The following LRRC39 variants were observed in gnomAD, a reference collection of about 807,000 sequenced individuals.
LRRC39 encodes the protein leucine rich repeat containing 39.
A neutral mutation model predicts 39.7 loss-of-function variants in LRRC39; 35 were observed. That is an observed-to-expected ratio of 0.88 (90% CI 0.67 to 1.17). LRRC39 has a LOEUF of 1.17. LRRC39 is among the 50% of genes most tolerant of loss of function. The probability of loss-of-function intolerance (pLI) is 0.00; values close to 1 mark genes in which losing one functional copy is unlikely to be tolerated. For missense variants in LRRC39, 357 were observed against 385.8 expected (o/e 0.93, Z 0.62); for synonymous variants, 113 against 134.1 (o/e 0.84, Z 1.09).
chr1:100,152,398 T>A lies in LRRC39; in HGVS notation c.939A>T (p.Ser313=). The change falls in exon 9 of 10, where the codon TCA becomes TCT. Residue 313 remains serine, a synonymous_variant. Coordinates refer to ENST00000370137, the MANE Select transcript of LRRC39 (RefSeq NM_144620.4). ...LQFMHTYIQE[S]RRRADHQVNG... ...CAAATCTTATACCTGCTCTTCTCCG[T>A]GACTCTTGTATGTATGTGTGCATAA... is the stretch of plus-strand genomic sequence containing the variant. 3 of 1,613,796 alleles carry A rather than the reference T, an allele frequency of 1.9e-6. No homozygotes were observed. The highest frequency in any genetic ancestry group is 1.3e-5 in the African/African-American group (1 of 75,044).
At chr1:100,170,426 G>T (rs951441021) in intron 2 of LRRC39, among the ~76,000 whole-genome samples, 2 of 152,144 alleles carry the variant, frequency 1.3e-5, no homozygotes, top group African/African-American at 4.8e-5. Flanking sequence ...TATATGAAAT[G>T]TCCAGAATAG....
chr1:100,151,659 CAAAT>C (rs1318360679), intron 9 of LRRC39, among the ~76,000 whole-genome samples: 1 of 152,088 alleles, frequency 6.6e-6, no homozygotes, highest in East Asian at 1.9e-4. Context: ...TTTTTATTAA[CAAAT>C]AATTGTGCAC....
chr1:100,160,955 C>T (rs972983320), intron 3 of LRRC39, among the ~76,000 whole-genome samples: 1 of 151,950 alleles, frequency 6.6e-6, no homozygotes, highest in Non-Finnish European at 1.5e-5. Flanking sequence ...AATTACCAAT[C>T]AAAAACCATT....
At chr1:100,174,576 G>GGT (rs1239140168) in intron 1 of LRRC39, among the ~76,000 whole-genome samples, 1 of 152,084 alleles carries the variant, frequency 6.6e-6, no homozygotes, top group Non-Finnish European at 1.5e-5. Context: ...TGGGACTACA[G>GGT]GTGTGAGCCA....
Position 100,164,034 on chromosome 1 carries a change from A to G in LRRC39, c.114-3463T>C, listed in dbSNP as rs12073866. 5.4e-3 allele frequency among the ~76,000 whole-genome samples: 825 copies of G among 152,128 alleles called. 10 individuals are homozygous for G. The highest frequency in any genetic ancestry group is 0.019 in the African/African-American group (775 of 41,498). ...GTTGCAGTGAGCCAAGATTGCGCCAATACACTCCAGCCTGGGTGACAGAGT... is the reference window on the plus strand; with the variant it reads ...GTTGCAGTGAGCCAAGATTGCGCCAGTACACTCCAGCCTGGGTGACAGAGT... On this transcript the variant is annotated intron_variant, in intron 3 of 9. Coordinates refer to ENST00000370137, the MANE Select transcript of LRRC39 (RefSeq NM_144620.4).
chr1:100,169,516 C>T lies in LRRC39; in HGVS notation c.-78-922G>A, dbSNP rs184838844. 2.6e-5 allele frequency among the ~76,000 whole-genome samples: 4 copies of T among 152,084 alleles called. No individual in the cohort carries two copies. The East Asian group carries it at 5.8e-4, about 22-fold the overall frequency. On this transcript the variant is annotated intron_variant, in intron 2 of 9. Transcript: ENST00000370137. Reference sequence around the variant, plus strand: ...TCCCTCAAATATTTTTGAAGTTATTCGCAGTGTTTTTCATAACAGCAAAAT... The same window carrying T: ...TCCCTCAAATATTTTTGAAGTTATTTGCAGTGTTTTTCATAACAGCAAAAT...
intron 9 of LRRC39, among the ~76,000 whole-genome samples, chr1:100,151,126 CA>C (rs772782982): frequency 0.039 from 1,723 of 43,686 alleles, 3 homozygotes; most frequent in Non-Finnish European, 0.057. Flanking sequence ...AGAAACTCCT[CA>C]AAAAAAAAAA....
chr1:100,172,279 C>T (rs1400658839), intron 2 of LRRC39, among the ~76,000 whole-genome samples: 1 of 152,172 alleles, frequency 6.6e-6, no homozygotes, highest in Non-Finnish European at 1.5e-5. Flanking sequence ...TGATACCAAA[C>T]CCCAAGAATG....
chr1:100,172,869 A>C (rs1158968156), intron 2 of LRRC39, among the ~76,000 whole-genome samples: 11 of 151,662 alleles, frequency 7.3e-5, no homozygotes. Flanking sequence ...CTGAGGCAGG[A>C]GAATGGCGTG....
chr1:100,149,712 G>C (rs1239595389), intron 9 of LRRC39: 1 of 263,016 alleles, frequency 3.8e-6, no homozygotes, highest in African/African-American at 2.3e-5. Flanking sequence ...TTTAACTCAT[G>C]ACTGGTTTCT....
Position 100,158,272 on chromosome 1 carries a change from C to T in LRRC39, c.472G>A (p.Glu158Lys), listed in dbSNP as rs770342762. 1.9e-6 allele frequency: 3 copies of T among 1,613,890 alleles called. No individual in the cohort carries two copies. The African/African-American group carries it at 4.0e-5, about 22-fold the overall frequency. ...LSNCASLEKL[E>K]LAVNRDICDL... ...CATATATCTCTGTTAACAGCCAGTT[C>T]TAGTTTCTCCAAGCTGGCACAATTA... is the stretch of plus-strand genomic sequence containing the variant. The change falls in exon 6 of 10, where the codon GAA becomes AAA. Residue 158 changes from glutamate (E) to lysine (K), a missense_variant. By Grantham distance (56) the Glu-to-Lys change is moderately conservative. Coordinates refer to ENST00000370137, the MANE Select transcript of LRRC39 (RefSeq NM_144620.4).
Position 100,158,219 on chromosome 1 carries a change from T to C in LRRC39, c.513+12A>G. Reference sequence around the variant, plus strand: ...TGGAAAATACAATCATAGGCATTTATGTCTTTCTAACCTCTTGTGGAAGAT... The same window carrying C: ...TGGAAAATACAATCATAGGCATTTACGTCTTTCTAACCTCTTGTGGAAGAT... On this transcript the variant is annotated intron_variant, in intron 6 of 9. Transcript: ENST00000370137. 1.9e-6 allele frequency: 3 copies of C among 1,612,810 alleles called. No individual in the cohort carries two copies. Among genetic ancestry groups the C allele is most frequent in the Non-Finnish European group, 2.5e-6 (3 of 1,179,526 alleles).
At chr1:100,151,126 CAAAAAA>C (rs772782982) in intron 9 of LRRC39, among the ~76,000 whole-genome samples, 8 of 43,666 alleles carry the variant, frequency 1.8e-4, no homozygotes, top group Non-Finnish European at 3.5e-4. Flanking sequence ...AGAAACTCCT[CAAAAAA>C]AAAAAAAAAA....
intron 5 of LRRC39, among the ~76,000 whole-genome samples, chr1:100,158,600 G>C (rs957083415): frequency 2.0e-5 from 3 of 151,920 alleles, no homozygotes; most frequent in Middle Eastern, 3.4e-3. Flanking sequence ...CCGCGCCCAG[G>C]TAATTTTTTG....
intron 3 of LRRC39, among the ~76,000 whole-genome samples, chr1:100,163,387 T>C (rs1389040909): frequency 6.6e-6 from 1 of 152,114 alleles, no homozygotes; most frequent in African/African-American, 2.4e-5. Context: ...ATTAGAAAAA[T>C]CTATTTCCAT....
intron 9 of LRRC39, chr1:100,150,325 AGTTT>A (rs1035319383): frequency 6.6e-5 from 10 of 152,296 alleles, no homozygotes; most frequent in African/African-American, 2.2e-4. Flanking sequence ...CAAGTAAGGT[AGTTT>A]GTTTAAGTTA....
chr1:100,152,576 T>C (rs1658132703), intron 8 of LRRC39, 52 bp from the exon 9 acceptor site: 1 of 1,572,784 alleles, frequency 6.4e-7, no homozygotes, highest in Non-Finnish European at 8.6e-7. Context: ...GAAGTGTACA[T>C]TTATTTCCCT....
intron 8 of LRRC39, 97 bp from the exon 9 acceptor site, chr1:100,152,621 C>A: frequency 1.6e-6 from 2 of 1,279,404 alleles, no homozygotes; most frequent in South Asian, 1.6e-5. Context: ...CTAAATTACT[C>A]GTTTTTAACT....
At chr1:100,160,414 C>T (rs1658787624) in intron 4 of LRRC39, 52 bp downstream of exon 4, 1 of 1,414,568 alleles carries the variant, frequency 7.1e-7, no homozygotes, top group African/African-American at 1.4e-5. Context: ...ATTCTCTCAA[C>T]TGACTCACAA....
Sources: gnomAD v4.1 joint callset for allele counts (sites outside exome capture counted in the v4.1 genomes callset) on GRCh38, gnomAD v4.1.1 for gene constraint, MANE v1.5 for transcripts, NCBI Gene and HGNC (gene_info 2026-07-23, HGNC 2026-07-21) for gene names.